Variants in HS6ST3 observed in about 807,000 individuals in gnomAD.
HS6ST3 encodes the protein heparan-sulfate 6-O-sulfotransferase 3.
Under a neutral mutation model 36.7 loss-of-function variants are expected in HS6ST3, and 12 were observed. The ratio of observed to expected loss-of-function variants is 0.33; its 90% confidence interval spans 0.21 to 0.53. The LOEUF (loss-of-function observed/expected upper bound fraction) is 0.53. Among genes scored for constraint, HS6ST3 ranks in the 20% least tolerant of loss-of-function variants. The pLI, the probability that HS6ST3 is intolerant of heterozygous loss-of-function variation, is 0.95. For synonymous variants in HS6ST3, 240 were observed against 257.5 expected (o/e 0.93, Z 0.65); for missense variants, 584 against 640.9 (o/e 0.91, Z 0.96).
intron 1 of HS6ST3, among the ~76,000 whole-genome samples, chr13:96,417,732 T>TCACACA (rs1211935095): frequency 0.076 from 10,473 of 136,996 alleles, 471 homozygotes; most frequent in African/African-American, 0.12. Context: ...ATAGCTTATT[T>TCACACA]CACACACACA....
chr13:96,475,259 G>A (rs761081952), intron 1 of HS6ST3, among the ~76,000 whole-genome samples: 8 of 152,098 alleles, frequency 5.3e-5, no homozygotes, highest in South Asian at 2.1e-4. Flanking sequence ...CCATGACTTA[G>A]AAGCTGCTCC....
At chr13:96,692,909 G>T (rs1328472032) in intron 1 of HS6ST3, among the ~76,000 whole-genome samples, 1 of 152,030 alleles carries the variant, frequency 6.6e-6, no homozygotes, top group Non-Finnish European at 1.5e-5. Flanking sequence ...ACTATTTGAG[G>T]GACATTGTAC....
chr13:96,157,010 A>G (rs961526070), intron 1 of HS6ST3, among the ~76,000 whole-genome samples: 1 of 152,130 alleles, frequency 6.6e-6, no homozygotes, highest in African/African-American at 2.4e-5. Context: ...AGGGGCTAGC[A>G]TTTGTTGTCT....
chr13:96,431,125 G>A (rs1371575476), intron 1 of HS6ST3, among the ~76,000 whole-genome samples: 2 of 151,932 alleles, frequency 1.3e-5, no homozygotes, highest in African/African-American at 4.8e-5. Context: ...GATTACTTGA[G>A]CCTAGGATTT....
intron 1 of HS6ST3, among the ~76,000 whole-genome samples, chr13:96,784,281 G>A (rs1238315783): frequency 6.6e-6 from 1 of 152,152 alleles, no homozygotes; most frequent in African/African-American, 2.4e-5. Flanking sequence ...AAGTGGGGTT[G>A]GCAGATGTAG....
At chr13:96,638,647 G>A (rs1379398288) in intron 1 of HS6ST3, among the ~76,000 whole-genome samples, 1 of 151,690 alleles carries the variant, frequency 6.6e-6, no homozygotes, top group African/African-American at 2.4e-5. Context: ...TCTCCTTCCT[G>A]CCATCATGTG....
intron 1 of HS6ST3, among the ~76,000 whole-genome samples, chr13:96,447,100 T>C (rs732121): frequency 0.17 from 25,278 of 152,148 alleles, 3,263 homozygotes; most frequent in African/African-American, 0.33. Context: ...GGGATTTCCC[T>C]GGCTCTTAGA....
chr13:96,550,943 T>C (rs1406489118), intron 1 of HS6ST3, among the ~76,000 whole-genome samples: 2 of 152,192 alleles, frequency 1.3e-5, no homozygotes, highest in African/African-American at 4.8e-5. Context: ...ACAATTCTAA[T>C]CATAGTTTCA....
chr13:96,345,583 G>A (rs61966942), intron 1 of HS6ST3, among the ~76,000 whole-genome samples: 12,722 of 152,104 alleles, frequency 0.084, 582 homozygotes, highest in Middle Eastern at 0.12. Context: ...GGACAATATC[G>A]TACCACATTG....
chr13:96,660,810 C>T (rs1194812319), intron 1 of HS6ST3, among the ~76,000 whole-genome samples: 4 of 151,954 alleles, frequency 2.6e-5, no homozygotes, highest in Non-Finnish European at 5.9e-5. Context: ...TGGGAGTTTC[C>T]AGAAGAGACT....
chr13:96,128,564 T>G (rs1594686795), intron 1 of HS6ST3, among the ~76,000 whole-genome samples: 1 of 152,166 alleles, frequency 6.6e-6, no homozygotes, highest in African/African-American at 2.4e-5. Context: ...CCCTTCAAGT[T>G]CCCAGGGCCT....
chr13:96,720,855 G>C (rs1823844295), intron 1 of HS6ST3, among the ~76,000 whole-genome samples: 1 of 152,070 alleles, frequency 6.6e-6, no homozygotes, highest in African/African-American at 2.4e-5. Context: ...CGTGTTTTAT[G>C]TCTTTCCTAT....
chr13:96,758,765 A>G (rs1202170843), intron 1 of HS6ST3, among the ~76,000 whole-genome samples: 1 of 151,862 alleles, frequency 6.6e-6, no homozygotes, highest in South Asian at 2.1e-4. Context: ...ATTGAGACTT[A>G]TGATACAACA....
At chr13:96,421,032 A>C (rs1051305728) in intron 1 of HS6ST3, among the ~76,000 whole-genome samples, 2 of 152,166 alleles carry the variant, frequency 1.3e-5, no homozygotes, top group Non-Finnish European at 2.9e-5. Flanking sequence ...GTGATGCTTT[A>C]TTGAGAGTTC....
At chr13:96,556,287 A>C (rs1391003688) in intron 1 of HS6ST3, among the ~76,000 whole-genome samples, 1 of 152,186 alleles carries the variant, frequency 6.6e-6, no homozygotes, top group Admixed American at 6.5e-5. Flanking sequence ...TTAGGTTTTC[A>C]TGCTTCTGTA....
intron 1 of HS6ST3, among the ~76,000 whole-genome samples, chr13:96,216,096 C>T (rs890213794): frequency 3.3e-5 from 5 of 152,292 alleles, no homozygotes; most frequent in African/African-American, 9.6e-5. Flanking sequence ...GTTTCCTCAT[C>T]CATCCAACAA....
intron 1 of HS6ST3, among the ~76,000 whole-genome samples, chr13:96,405,265 T>C (rs769511781): frequency 9.2e-5 from 14 of 152,236 alleles, no homozygotes; most frequent in Non-Finnish European, 1.9e-4. Context: ...ATGCCATCAT[T>C]TGTACAAATA....
intron 1 of HS6ST3, among the ~76,000 whole-genome samples, chr13:96,235,323 C>T (rs1329128231): frequency 6.6e-6 from 1 of 152,144 alleles, no homozygotes; most frequent in Non-Finnish European, 1.5e-5. Flanking sequence ...TCTGGTTGAG[C>T]TGCCACACCA....
At chr13:96,410,028 G>C (rs935109688) in intron 1 of HS6ST3, among the ~76,000 whole-genome samples, 2 of 152,110 alleles carry the variant, frequency 1.3e-5, no homozygotes, top group African/African-American at 4.8e-5. Context: ...AATAATAAAA[G>C]TACTATAAGG....
Sources: allele counts gnomAD v4.1 joint callset (sites outside exome capture counted in the v4.1 genomes callset), GRCh38; gene constraint gnomAD v4.1.1; transcripts MANE v1.5; gene names NCBI Gene and HGNC (gene_info 2026-07-23, HGNC 2026-07-21).